Variants in EDIL3 observed in about 807,000 individuals in gnomAD.
The protein encoded by EDIL3 is EGF-like repeat and discoidin I-like domain-containing protein 3.
A neutral mutation model predicts 67.4 loss-of-function variants in EDIL3; 37 were observed. The observed-to-expected ratio is 0.55, with a 90% CI of 0.42 to 0.72. The LOEUF (loss-of-function observed/expected upper bound fraction) is 0.72. Ranked by LOEUF, EDIL3 falls within the 30% of genes least tolerant of loss-of-function variation. The probability of loss-of-function intolerance (pLI) is 0.00; values close to 1 mark genes in which losing one functional copy is unlikely to be tolerated. For synonymous variants in EDIL3, 195 were observed against 196.3 expected (o/e 0.99, Z 0.05); for missense variants, 527 against 586.3 (o/e 0.90, Z 1.04).
intron 9 of EDIL3, among the ~76,000 whole-genome samples, chr5:84,028,824 T>C (rs1745865716): frequency 6.6e-6 from 1 of 152,196 alleles, no homozygotes; most frequent in South Asian, 2.1e-4. Context: ...ATAAGATTCA[T>C]GATATGGTTT....
Position 84,277,638 on chromosome 5 carries a change from C to T in EDIL3, c.68-23426G>A, listed in dbSNP as rs180954045. On this transcript the variant is annotated intron_variant, in intron 1 of 10. Transcript: ENST00000296591. ...TGAGTGCCATAACTTTTCATTGATT[C>T]ATTCACTCAACATATATTTTAAGAA... is the stretch of plus-strand genomic sequence containing the variant. Among the ~76,000 whole-genome samples the T allele has an allele frequency of 2.1e-4, 32 of 152,140 alleles. No homozygotes were observed. The East Asian group carries it at 5.4e-3, about 26-fold the overall frequency.
intron 9 of EDIL3, among the ~76,000 whole-genome samples, chr5:84,049,474 T>G (rs1295453532): frequency 6.6e-6 from 1 of 152,192 alleles, no homozygotes; most frequent in Non-Finnish European, 1.5e-5. Context: ...CTGACTTCTT[T>G]GTTTGGAAAC....
intron 1 of EDIL3, among the ~76,000 whole-genome samples, chr5:84,315,388 T>C (rs1245343592): frequency 6.6e-6 from 1 of 152,140 alleles, no homozygotes; most frequent in Non-Finnish European, 1.5e-5. Flanking sequence ...TTTTCAATCA[T>C]AACCAATTAG....
At chr5:83,945,678 C>T (rs377333306) in intron 10 of EDIL3, among the ~76,000 whole-genome samples, 1 of 151,754 alleles carries the variant, frequency 6.6e-6, no homozygotes, top group African/African-American at 2.4e-5. Context: ...AGAATACATA[C>T]AGAGAAACTA....
chr5:84,052,138 G>A (rs1331496098), intron 9 of EDIL3, among the ~76,000 whole-genome samples: 1 of 152,218 alleles, frequency 6.6e-6, no homozygotes, highest in African/African-American at 2.4e-5. Context: ...AGCCAGAAGA[G>A]AGTGGGGGCC....
intron 4 of EDIL3, among the ~76,000 whole-genome samples, chr5:84,164,895 A>G (rs1748677743): frequency 6.6e-6 from 1 of 152,092 alleles, no homozygotes; most frequent in Non-Finnish European, 1.5e-5. Flanking sequence ...TAGAAATCCT[A>G]GGAGCGTTTT....
chr5:83,990,619 G>A (rs1179869523), intron 9 of EDIL3, among the ~76,000 whole-genome samples: 2 of 151,964 alleles, frequency 1.3e-5, no homozygotes, highest in Non-Finnish European at 2.9e-5. Context: ...GGTGGCTCAC[G>A]CCTGTAATCC....
At chr5:84,270,484 T>A (rs1432745973) in intron 1 of EDIL3, among the ~76,000 whole-genome samples, 1 of 51,440 alleles carries the variant, frequency 1.9e-5, no homozygotes, top group East Asian at 2.0e-3. Flanking sequence ...TACCTTACCA[T>A]GGGGTTTGTC....
chr5:83,961,739 G>A (rs1330895739), intron 10 of EDIL3, among the ~76,000 whole-genome samples: 1 of 151,284 alleles, frequency 6.6e-6, no homozygotes, highest in African/African-American at 2.4e-5. Flanking sequence ...AAGACAGGAA[G>A]TGAAATAGTT....
chr5:83,982,073 A>G (rs1744979311), intron 9 of EDIL3, among the ~76,000 whole-genome samples: 2 of 152,102 alleles, frequency 1.3e-5, no homozygotes, highest in African/African-American at 2.4e-5. Flanking sequence ...CAATGCTATC[A>G]TGTTCTTAAG....
chr5:84,373,520 C>T (rs1299372200), intron 1 of EDIL3, among the ~76,000 whole-genome samples: 2 of 152,084 alleles, frequency 1.3e-5, no homozygotes, highest in Non-Finnish European at 2.9e-5. Flanking sequence ...GATGCTATCA[C>T]TTTTTGATAG....
At chr5:84,080,298 C>CAAAAAAAAAAAAAAAAAAA (rs369961167) in intron 6 of EDIL3, among the ~76,000 whole-genome samples, 4 of 54,274 alleles carry the variant, frequency 7.4e-5, no homozygotes, top group African/African-American at 3.3e-4. Context: ...GACTCTGTCT[C>CAAAAAAAAAAAAAAAAAAA]AAAAAAAAAA....
At chr5:84,350,289 T>C (rs1026485414) in intron 1 of EDIL3, among the ~76,000 whole-genome samples, 8 of 152,084 alleles carry the variant, frequency 5.3e-5, no homozygotes, top group African/African-American at 1.9e-4. Context: ...ATTATGAAAC[T>C]TTTATTTCTT....
At chr5:84,042,565 A>G (rs182577182) in intron 9 of EDIL3, among the ~76,000 whole-genome samples, 2 of 152,270 alleles carry the variant, frequency 1.3e-5, no homozygotes, top group African/African-American at 4.8e-5. Flanking sequence ...TACAGGCATG[A>G]GCCACTGCTC....
intron 3 of EDIL3, among the ~76,000 whole-genome samples, chr5:84,190,597 A>G (rs866279398): frequency 0.077 from 10,014 of 130,336 alleles, 565 homozygotes; most frequent in African/African-American, 0.16. Context: ...ATATATATAT[A>G]TATATATAAT....
Position 84,331,994 on chromosome 5 carries a change from G to A in EDIL3, c.67+52314C>T, listed in dbSNP as rs150976087. On this transcript the variant is annotated intron_variant, in intron 1 of 10. Transcript: ENST00000296591. ...CATCCCGTTAGAAAACACACTGTAA[G>A]CTTCTCCAGCCAATCTATGAAAGGA... Among the ~76,000 whole-genome samples the A allele has an allele frequency of 6.6e-3, 1,006 of 152,236 alleles. 4 individuals carry two copies. Among genetic ancestry groups the A allele is most frequent in the African/African-American group, 0.022 (907 of 41,540 alleles).
chr5:84,294,117 C>T (rs71638274), intron 1 of EDIL3, among the ~76,000 whole-genome samples: 8,319 of 151,032 alleles, frequency 0.055, 429 homozygotes, highest in East Asian at 0.31. Flanking sequence ...GGTGCGGTGG[C>T]TCACGCCTGT....
chr5:84,074,755 G>A (rs373468401), intron 6 of EDIL3, among the ~76,000 whole-genome samples: 6 of 151,926 alleles, frequency 3.9e-5, no homozygotes, highest in East Asian at 1.9e-4. Context: ...TTGGTGGGAC[G>A]GTAAACTAGT....
At chr5:84,035,589 G>T (rs1363330409) in intron 9 of EDIL3, among the ~76,000 whole-genome samples, 1 of 152,072 alleles carries the variant, frequency 6.6e-6, no homozygotes, top group Non-Finnish European at 1.5e-5. Flanking sequence ...ATGGTATGCG[G>T]AGTATGTGGG....
Sources: gnomAD v4.1 joint callset for allele counts (sites outside exome capture counted in the v4.1 genomes callset) on GRCh38, gnomAD v4.1.1 for gene constraint, MANE v1.5 for transcripts, NCBI Gene and HGNC (gene_info 2026-07-23, HGNC 2026-07-21) for gene names.